The following SYCP2L variants were observed in gnomAD, a reference collection of about 807,000 sequenced individuals.
The protein encoded by SYCP2L is synaptonemal complex protein 2-like.
Under a neutral mutation model 125.8 loss-of-function variants are expected in SYCP2L, and 98 were observed. That is an observed-to-expected ratio of 0.78 (90% confidence interval 0.66 to 0.92). SYCP2L has a LOEUF of 0.92. Ranked by LOEUF, SYCP2L falls within the 40% of genes least tolerant of loss-of-function variation. The pLI is 0.00. For synonymous variants in SYCP2L, 317 were observed against 325.4 expected, an observed-to-expected ratio of 0.97 and a Z score of 0.28; for missense variants, 842 against 936.4, an observed-to-expected ratio of 0.90 and a Z score of 1.32.
intron 20 of SYCP2L, among the ~76,000 whole-genome samples, chr6:10,931,821 C>T (rs1781001277): frequency 6.6e-6 from 1 of 151,974 alleles, no homozygotes; most frequent in South Asian, 2.1e-4. Flanking sequence ...AAAAATTAGC[C>T]AGGCGTGGTA....
chr6:10,915,930 G>C (rs1277122343), intron 14 of SYCP2L, among the ~76,000 whole-genome samples: 1 of 152,144 alleles, frequency 6.6e-6, no homozygotes, highest in Non-Finnish European at 1.5e-5. Flanking sequence ...GTAGAATTCT[G>C]CTGTGAATCT....
rs777491744 is a variant in SYCP2L, at chr6:10,942,708, C to G, written c.1916C>G (p.Thr639Ser). The change falls in exon 23 of 30, where the codon ACT becomes AGT. Residue 639 changes from threonine (T) to serine (S), a missense_variant. By Grantham distance (58) the Thr-to-Ser change is moderately conservative. Transcript: ENST00000283141. ...IVNQESLTESTSLKHKLRNLE... is the reference protein window; with the variant it reads ...IVNQESLTESSSLKHKLRNLE... ...AACCAAGAATCACTAACAGAAAGTA[C>G]TAGCTTGAAACATAAGCTGAGAAAC... 9 of 1,612,382 alleles carry G rather than the reference C, an allele frequency of 5.6e-6. No individual in the cohort carries two copies. Among genetic ancestry groups the G allele is most frequent in the Non-Finnish European group, 6.8e-6 (8 of 1,179,754 alleles).
intron 25 of SYCP2L, among the ~76,000 whole-genome samples, chr6:10,956,556 C>T (rs566149506): frequency 6.6e-6 from 1 of 152,230 alleles, no homozygotes; most frequent in Admixed American, 6.5e-5. Flanking sequence ...CTTAAGTATT[C>T]CTACCACCCC....
intron 21 of SYCP2L, among the ~76,000 whole-genome samples, chr6:10,938,799 C>CTT (rs764556645): frequency 6.6e-6 from 1 of 152,124 alleles, no homozygotes; most frequent in Non-Finnish European, 1.5e-5. Context: ...TTTCTAGACA[C>CTT]TAACAGTAAA....
intron 11 of SYCP2L, 108 bp from the exon 12 acceptor site, chr6:10,910,716 A>C: frequency 1.7e-6 from 2 of 1,168,222 alleles, no homozygotes; most frequent in Non-Finnish European, 2.6e-6. Flanking sequence ...ACTCTGTACG[A>C]GGAGACTTAA....
chr6:10,934,964 G>C, intron 20 of SYCP2L, 94 bp from the exon 21 acceptor site: 1 of 1,143,302 alleles, frequency 8.7e-7, no homozygotes, highest in Non-Finnish European at 1.2e-6. Context: ...TAATACTTAA[G>C]CTTCTTAAAG....
chr6:10,970,432 C>A (rs1581848748), intron 29 of SYCP2L, among the ~76,000 whole-genome samples: 1 of 152,054 alleles, frequency 6.6e-6, no homozygotes, highest in African/African-American at 2.4e-5. Context: ...ATTCCAATTG[C>A]AATGAATGGG....
chr6:10,897,883 T>C (rs894199774), intron 4 of SYCP2L, 128 bp from the exon 5 acceptor site: 10 of 667,842 alleles, frequency 1.5e-5, no homozygotes, highest in Admixed American at 9.2e-5. Context: ...CCAGGCCTCA[T>C]TGAAATGGAA....
Position 10,897,990 on chromosome 6 carries a change from C to T in SYCP2L, c.337-21C>T, listed in dbSNP as rs375376264. 8.7e-5 allele frequency: 134 copies of T among 1,534,298 alleles called. No individual in the cohort carries two copies. In the African/African-American group the frequency reaches 1.1e-3, roughly 13 times the overall value. ...GGCAGCATTTAGTCTTATGTAGTTA[C>T]GTTAGTGTCCTCCTGTGTACCTAGT... On this transcript the variant is annotated intron_variant, in intron 4 of 29. Transcript: ENST00000283141.
At chr6:10,888,066 CTTTTTTTTTTTTTTTTTTT>C (rs70991066) in intron 1 of SYCP2L, among the ~76,000 whole-genome samples, 1,174 of 74,236 alleles carry the variant, frequency 0.016, 117 homozygotes, top group African/African-American at 0.035. Flanking sequence ...GTGTTACCAT[CTTTTTTTTTTTTTTTTTTT>C]TTTTTTTTTT....
At chr6:10,961,589 T>C (rs1336141826) in intron 28 of SYCP2L, 31 bp downstream of exon 28, 2 of 1,611,570 alleles carry the variant, frequency 1.2e-6, no homozygotes, top group Non-Finnish European at 1.7e-6. Context: ...TCTAGAAGAA[T>C]CTTGGTTGAA....
At chr6:10,937,040 A>C (rs577338676) in intron 21 of SYCP2L, among the ~76,000 whole-genome samples, 4 of 152,278 alleles carry the variant, frequency 2.6e-5, no homozygotes, top group Non-Finnish European at 5.9e-5. Flanking sequence ...ATCCAGATAG[A>C]AAATCAATAA....
At chr6:10,969,330 C>T (rs1781729913) in intron 29 of SYCP2L, among the ~76,000 whole-genome samples, 1 of 150,838 alleles carries the variant, frequency 6.6e-6, no homozygotes, top group South Asian at 2.1e-4. Context: ...TTATTTTTGA[C>T]CTGATAATTC....
At position 10,907,474 on chromosome 6, in the gene SYCP2L, C is replaced by T. The variant is rs565073943; in HGVS notation, c.677-68C>T. 1.3e-5 allele frequency: 19 copies of T among 1,477,890 alleles called. No individual in the cohort carries two copies. The South Asian group carries it at 2.5e-4, about 19-fold the overall frequency. The allele number at this position is 1,477,890 out of a possible 1,614,324, so 91.5% of individuals were successfully genotyped here. Reference sequence around the variant, plus strand: ...GAGTTTCTTAGAGCAAGTGCTAAATCTGGAACTCATTTTTTCTTTTGCTTT... The same window carrying T: ...GAGTTTCTTAGAGCAAGTGCTAAATTTGGAACTCATTTTTTCTTTTGCTTT... On this transcript the variant is annotated intron_variant, in intron 9 of 29. Coordinates refer to ENST00000283141, the MANE Select transcript of SYCP2L (RefSeq NM_001040274.3).
At chr6:10,958,739 A>C (rs765177785) in intron 25 of SYCP2L, 45 bp from the exon 26 acceptor site, 2 of 1,535,776 alleles carry the variant, frequency 1.3e-6, no homozygotes, top group South Asian at 2.3e-5. Context: ...CAACTTATGT[A>C]ATTATATTAA....
chr6:10,897,031 A>G (rs1247868215), intron 4 of SYCP2L, among the ~76,000 whole-genome samples: 2 of 142,160 alleles, frequency 1.4e-5, no homozygotes, highest in Non-Finnish European at 3.1e-5. Flanking sequence ...ATGCATGCGG[A>G]GTTTTTCTAA....
rs557958527 is a variant in SYCP2L at position 10,910,288 on chromosome 6, TAGG to T, written c.872+91_872+93del. ...GAACAGTTTAGGGTCTGTTTCATTTTAGGAGAGAATATTGGGTACATCATTTAC... is the reference window on the plus strand; with the variant it reads ...GAACAGTTTAGGGTCTGTTTCATTTTAGAGAATATTGGGTACATCATTTAC... On this transcript the variant is annotated intron_variant, in intron 11 of 29. Transcript: ENST00000283141. 1,570 of 1,219,284 alleles carry T rather than the reference TAGG, an allele frequency of 1.3e-3. 21 individuals are homozygous for T. The African/African-American group carries it at 0.021, about 16-fold the overall frequency. The allele number at this position is 1,219,284 out of a possible 1,614,324, so 75.5% of individuals were successfully genotyped here.
chr6:10,892,752 C>T (rs1780194141), intron 2 of SYCP2L, among the ~76,000 whole-genome samples: 1 of 152,144 alleles, frequency 6.6e-6, no homozygotes, highest in African/African-American at 2.4e-5. Context: ...ATCTGCAGAA[C>T]ACTTAACACA....
intron 6 of SYCP2L, among the ~76,000 whole-genome samples, chr6:10,900,787 G>GT (rs1366139501): frequency 6.6e-6 from 1 of 151,956 alleles, no homozygotes; most frequent in Non-Finnish European, 1.5e-5. Flanking sequence ...ATGAATTTCG[G>GT]GGGGGGACAC....
Sources: gnomAD v4.1 joint callset for allele counts (sites outside exome capture counted in the v4.1 genomes callset) on GRCh38, gnomAD v4.1.1 for gene constraint, MANE v1.5 for transcripts, NCBI Gene and HGNC (gene_info 2026-07-23, HGNC 2026-07-21) for gene names.